The following PYM1 variants were observed in gnomAD, a reference collection of about 807,000 sequenced individuals.
PYM1 encodes the protein partner of Y14 and mago.
A neutral mutation model predicts 20.7 loss-of-function variants in PYM1; 7 were observed. That is an observed-to-expected ratio of 0.34 (90% CI 0.19 to 0.64). The LOEUF (loss-of-function observed/expected upper bound fraction) is 0.64, where lower values mean the gene tolerates loss of function less well. Among genes scored for constraint, PYM1 ranks in the 30% least tolerant of loss-of-function variants. The pLI is 0.74. For missense variants in PYM1, 194 were observed against 250.0 expected, an observed-to-expected ratio of 0.78 and a Z score of 1.51; for synonymous variants, 100 against 99.2, an observed-to-expected ratio of 1.01 and a Z score of -0.05.
At chr12:55,905,869 ATATC>A (rs1372742656) in intron 1 of PYM1, among the ~76,000 whole-genome samples, 19 of 127,238 alleles carry the variant, frequency 1.5e-4, no homozygotes, top group South Asian at 6.8e-4. Context: ...AGATATATAT[ATATC>A]TATTAGATAT....
chr12:55,916,207 T>C (rs1883004611), intron 1 of PYM1, among the ~76,000 whole-genome samples: 1 of 151,836 alleles, frequency 6.6e-6, no homozygotes, highest in Admixed American at 6.6e-5. Context: ...TGCTGGCACA[T>C]GCTTGTAATC....
intron 1 of PYM1, among the ~76,000 whole-genome samples, chr12:55,906,461 T>A (rs1167600874): frequency 2.6e-5 from 4 of 152,030 alleles, no homozygotes; most frequent in Admixed American, 2.0e-4. Context: ...GGCCAGCAGT[T>A]TCACCAACCA....
intron 1 of PYM1, among the ~76,000 whole-genome samples, chr12:55,915,376 G>C (rs1376771568): frequency 1.3e-5 from 2 of 151,790 alleles, no homozygotes; most frequent in Non-Finnish European, 2.9e-5. Context: ...CGGTGGTAAA[G>C]AGGCCAGACT....
rs1169685313 is a variant in PYM1, at chr12:55,927,869, C to T, written c.-108G>A. Reference sequence around the variant, plus strand: ...GAAGTGATGAGGGCCCTAGTTGCTTCTCGCCCAGACCTCCTAACCCTGAGT... The same window carrying T: ...GAAGTGATGAGGGCCCTAGTTGCTTTTCGCCCAGACCTCCTAACCCTGAGT... On this transcript the variant is annotated 5_prime_UTR_variant, in exon 1 of 3. Transcript: ENST00000408946. 2.1e-6 allele frequency: 3 copies of T among 1,414,096 alleles called. No individual in the cohort carries two copies. The highest frequency in any genetic ancestry group is 4.5e-5 in the Admixed American group (2 of 44,464). The allele number at this position is 1,414,096 out of a possible 1,614,324, so 87.6% of individuals were successfully genotyped here.
chr12:55,901,631 G>T lies in PYM1; in HGVS notation c.*241C>A. The T allele has an allele frequency of 2.0e-6, 1 of 500,074 alleles. No homozygotes were observed. 31.0% of individuals were successfully genotyped at this position (500,074 alleles called of 1,614,324 possible). A position where few individuals can be genotyped will look rare whatever the true frequency, so the allele number is the denominator to read the frequency against. On this transcript the variant is annotated 3_prime_UTR_variant, in exon 3 of 3. Coordinates refer to ENST00000408946, the MANE Select transcript of PYM1 (RefSeq NM_032345.3). The stretch of plus-strand genomic sequence containing the variant: ...CCCAAATCAGCAGCAAAGGTACCTG[G>T]GGTAGTCACTGAGATTTTGAACACT...
intron 1 of PYM1, among the ~76,000 whole-genome samples, chr12:55,922,658 C>T (rs767476339): frequency 2.6e-5 from 4 of 151,950 alleles, no homozygotes; most frequent in Non-Finnish European, 4.4e-5. Flanking sequence ...CATTGTGATA[C>T]TATGTACCCT....
At chr12:55,927,656 C>G in intron 1 of PYM1, 69 bp downstream of exon 1, 1 of 1,526,272 alleles carries the variant, frequency 6.6e-7, no homozygotes, top group Non-Finnish European at 8.8e-7. Context: ...TTGCTGTCGG[C>G]CAACCCACTC....
intron 2 of PYM1, among the ~76,000 whole-genome samples, chr12:55,902,620 G>A (rs1882714662): frequency 6.6e-6 from 1 of 151,830 alleles, no homozygotes; most frequent in South Asian, 2.1e-4. Context: ...TGGGATTACA[G>A]GCGCCTGCCA....
At chr12:55,923,929 A>G (rs578242872) in intron 1 of PYM1, among the ~76,000 whole-genome samples, 1 of 152,138 alleles carries the variant, frequency 6.6e-6, no homozygotes, top group East Asian at 1.9e-4. Context: ...TACAAAAATT[A>G]GCCAAGCGTG....
chr12:55,905,090 C>T (rs1213365561), intron 1 of PYM1, among the ~76,000 whole-genome samples: 3 of 151,586 alleles, frequency 2.0e-5, no homozygotes, highest in Non-Finnish European at 2.9e-5. Context: ...CAAGCTCTGC[C>T]TCCCGGGTTC....
At chr12:55,908,972 C>A (rs1882873713) in intron 1 of PYM1, among the ~76,000 whole-genome samples, 2 of 152,024 alleles carry the variant, frequency 1.3e-5, no homozygotes, top group African/African-American at 4.8e-5. Context: ...CAAAGAAAGG[C>A]ATGGATGTGG....
At chr12:55,924,915 C>T (rs1212585042) in intron 1 of PYM1, among the ~76,000 whole-genome samples, 1 of 152,218 alleles carries the variant, frequency 6.6e-6, no homozygotes, top group Non-Finnish European at 1.5e-5. Flanking sequence ...GAACCCCTGA[C>T]CTCAGTTGAT....
intron 1 of PYM1, among the ~76,000 whole-genome samples, chr12:55,912,704 T>C (rs1013677129): frequency 2.0e-5 from 3 of 152,070 alleles, no homozygotes; most frequent in African/African-American, 7.2e-5. Context: ...GTGGTTCACG[T>C]ATGTAATCCC....
intron 1 of PYM1, among the ~76,000 whole-genome samples, chr12:55,915,274 G>A (rs1179730854): frequency 2.1e-5 from 3 of 142,008 alleles, no homozygotes; most frequent in African/African-American, 5.3e-5. Context: ...ATACTGCAGA[G>A]AGATCAAGGA....
intron 2 of PYM1, 131 bp downstream of exon 2, chr12:55,903,256 T>C: frequency 1.4e-6 from 1 of 724,984 alleles, no homozygotes; most frequent in African/African-American, 1.8e-5. Flanking sequence ...CTCTCCTTTC[T>C]CAGATAGTTG....
At chr12:55,924,595 G>T (rs1298648217) in intron 1 of PYM1, among the ~76,000 whole-genome samples, 1 of 152,156 alleles carries the variant, frequency 6.6e-6, no homozygotes, top group Non-Finnish European at 1.5e-5. Context: ...AAAAGAAGGA[G>T]AATTAAAAGG....
At chr12:55,915,330 C>T (rs1370542587) in intron 1 of PYM1, among the ~76,000 whole-genome samples, 1 of 151,046 alleles carries the variant, frequency 6.6e-6, no homozygotes, top group Non-Finnish European at 1.5e-5. Flanking sequence ...TTTGGAAATC[C>T]CTGGTTATCT....
At chr12:55,911,522 T>C (rs1440342788) in intron 1 of PYM1, among the ~76,000 whole-genome samples, 2 of 152,144 alleles carry the variant, frequency 1.3e-5, no homozygotes, top group Non-Finnish European at 2.9e-5. Context: ...TTTTATTTTC[T>C]TGTTATGTCA....
At position 55,901,823 on chromosome 12, in the gene PYM1, G is replaced by C; in HGVS notation, c.*49C>G. ...GTTGCCCGTATTCCCCCAGACCCCAGAGAGCCCCACGGTTTGTTCTGCAGT... is the reference window on the plus strand; with the variant it reads ...GTTGCCCGTATTCCCCCAGACCCCACAGAGCCCCACGGTTTGTTCTGCAGT... On this transcript the variant is annotated 3_prime_UTR_variant, in exon 3 of 3. Coordinates refer to ENST00000408946, the MANE Select transcript of PYM1 (RefSeq NM_032345.3). The C allele has an allele frequency of 6.5e-7, 1 of 1,544,082 alleles. No individual in the cohort carries two copies.
Sources: allele counts gnomAD v4.1 joint callset (sites outside exome capture counted in the v4.1 genomes callset), GRCh38; gene constraint gnomAD v4.1.1; transcripts MANE v1.5; gene names NCBI Gene and HGNC (gene_info 2026-07-23, HGNC 2026-07-21).